KLF8: variants seen among roughly 807,000 people sequenced by gnomAD.
The protein encoded by KLF8 is Krueppel-like factor 8.
In KLF8, 10 loss-of-function variants were observed where a neutral mutation model predicts 18.2. The ratio of observed to expected loss-of-function variants is 0.55; its 90% confidence interval spans 0.34 to 0.93. The LOEUF is 0.93. Ranked by LOEUF, KLF8 falls within the 40% of genes least tolerant of loss-of-function variation. The pLI, the probability that KLF8 is intolerant of heterozygous loss-of-function variation, is 0.02. For synonymous variants in KLF8, 109 were observed against 97.3 expected, an observed-to-expected ratio of 1.12 and a Z score of -0.71; for missense variants, 264 against 277.9, an observed-to-expected ratio of 0.95 and a Z score of 0.36.
chrX:56,202,661 C>A, the KLF8 span, among the ~76,000 whole-genome samples: 41 of 104,331 alleles, frequency 3.9e-4, no homozygotes, highest in East Asian at 4.4e-3. Context: ...TTTTAGATCC[C>A]ACAAATAAGT....
chrX:56,194,796 C>T, the KLF8 span, among the ~76,000 whole-genome samples: 1 of 112,278 alleles, frequency 8.9e-6, no homozygotes, highest in Non-Finnish European at 1.9e-5. Flanking sequence ...TAGGAGACAT[C>T]TCCCAGTAAG....
the KLF8 span, among the ~76,000 whole-genome samples, chrX:56,003,882 A>C: frequency 3.6e-5 from 4 of 112,166 alleles, no homozygotes; most frequent in Non-Finnish European, 7.5e-5. Flanking sequence ...ATTTTCCGTG[A>C]CACAAAGTGA....
chrX:56,213,710 G>C, the KLF8 span, among the ~76,000 whole-genome samples: 2 of 111,136 alleles, frequency 1.8e-5, no homozygotes, highest in Non-Finnish European at 3.8e-5. Context: ...ACAACATCTG[G>C]TGGGGGGTAC....
the KLF8 span, among the ~76,000 whole-genome samples, chrX:56,162,618 A>T: frequency 8.9e-6 from 1 of 111,739 alleles, no homozygotes; most frequent in Non-Finnish European, 1.9e-5. Flanking sequence ...CCCATTGGAA[A>T]AGTGCAGTAT....
chrX:56,214,334 C>T, the KLF8 span, among the ~76,000 whole-genome samples: 1 of 112,319 alleles, frequency 8.9e-6, no homozygotes, highest in African/African-American at 3.2e-5. Flanking sequence ...CCTCCTGTCC[C>T]TATCACTGTT....
At chrX:55,915,245 A>T in the KLF8 span, among the ~76,000 whole-genome samples, 1 of 111,943 alleles carries the variant, frequency 8.9e-6, no homozygotes, top group Non-Finnish European at 1.9e-5. Flanking sequence ...CAGTACCCCA[A>T]ACCTCTGACA....
chrX:56,078,297 T>C, the KLF8 span, among the ~76,000 whole-genome samples: 2 of 112,002 alleles, frequency 1.8e-5, no homozygotes, highest in African/African-American at 6.5e-5. Flanking sequence ...ATAGCTCTTA[T>C]TATTTTGAGA....
the KLF8 span, among the ~76,000 whole-genome samples, chrX:56,014,273 A>G: frequency 8.9e-6 from 1 of 112,009 alleles, no homozygotes; most frequent in Non-Finnish European, 1.9e-5. Context: ...TACAAGAAAC[A>G]AACAAATTTA....
At chrX:56,046,025 TG>T in the KLF8 span, among the ~76,000 whole-genome samples, 1 of 111,977 alleles carries the variant, frequency 8.9e-6, no homozygotes, top group African/African-American at 3.2e-5. Flanking sequence ...GTCCCTTCTA[TG>T]CCAGTTTTGC....
At chrX:56,000,083 G>A in the KLF8 span, among the ~76,000 whole-genome samples, 1 of 111,640 alleles carries the variant, frequency 9.0e-6, no homozygotes, top group East Asian at 2.8e-4. Flanking sequence ...TGCTTTTTCT[G>A]CATCTACTAG....
At chrX:55,968,393 G>T in the KLF8 span, among the ~76,000 whole-genome samples, 1 of 112,011 alleles carries the variant, frequency 8.9e-6, no homozygotes, top group Non-Finnish European at 1.9e-5. Flanking sequence ...TGAAATAAAT[G>T]GATGAAAAAG....
the KLF8 span, among the ~76,000 whole-genome samples, chrX:56,180,235 T>G: frequency 8.9e-6 from 1 of 112,008 alleles, no homozygotes; most frequent in Non-Finnish European, 1.9e-5. Context: ...AATTTATCCA[T>G]TTCTTTCAGA....
the KLF8 span, among the ~76,000 whole-genome samples, chrX:56,104,220 G>A: frequency 9.0e-6 from 1 of 111,354 alleles, no homozygotes; most frequent in Non-Finnish European, 1.9e-5. Context: ...GGATGATGCT[G>A]GCCTCATAAA....
At chrX:56,162,897 G>A in the KLF8 span, among the ~76,000 whole-genome samples, 1,068 of 111,244 alleles carry the variant, frequency 9.6e-3, 11 homozygotes, top group African/African-American at 0.033. Flanking sequence ...GTTCCTAATC[G>A]GCCACCTTGG....
chrX:55,975,794 T>A, the KLF8 span, among the ~76,000 whole-genome samples: 4 of 111,198 alleles, frequency 3.6e-5, no homozygotes, highest in Admixed American at 1.9e-4. Flanking sequence ...TAAAAAAAAA[T>A]TGAGGTATAA....
In KLF8 at chrX:56,289,428, T is replaced by A. The variant is rs1003450386; in HGVS notation, c.*4934T>A. ...ATCTGGGCATTAGGTATGTTCATTG[T>A]TACTGGGCTATTGTTGCTTCTAGGG... is the stretch of plus-strand genomic sequence containing the variant. On this transcript the variant is annotated 3_prime_UTR_variant, in exon 6 of 6. Coordinates refer to ENST00000468660, the MANE Select transcript of KLF8 (RefSeq NM_007250.5). 1.8e-5 allele frequency among the ~76,000 whole-genome samples: 2 copies of A among 112,091 alleles called. No homozygotes were observed. Among genetic ancestry groups the A allele is most frequent in the Non-Finnish European group, 3.8e-5 (2 of 53,250 alleles).
chrX:56,003,552 G>A, the KLF8 span, among the ~76,000 whole-genome samples: 1 of 111,556 alleles, frequency 9.0e-6, no homozygotes, highest in Non-Finnish European at 1.9e-5. Context: ...AACTTTCTCT[G>A]TTTATTGAGA....
At chrX:56,168,923 G>A in the KLF8 span, among the ~76,000 whole-genome samples, 5 of 111,586 alleles carry the variant, frequency 4.5e-5, no homozygotes, top group African/African-American at 1.3e-4. Context: ...GCAATTTTGA[G>A]CAAGAATAAA....
At chrX:56,051,733 G>C in the KLF8 span, among the ~76,000 whole-genome samples, 2 of 107,839 alleles carry the variant, frequency 1.9e-5, no homozygotes, top group Admixed American at 1.9e-4. Flanking sequence ...TGGTGAATCT[G>C]ACAATTATGT....
Sources: allele counts gnomAD v4.1 joint callset (sites outside exome capture counted in the v4.1 genomes callset), GRCh38; gene constraint gnomAD v4.1.1; transcripts MANE v1.5; gene names NCBI Gene and HGNC (gene_info 2026-07-23, HGNC 2026-07-21).